The following SOX5 variants were observed in gnomAD, a reference collection of about 807,000 sequenced individuals.
The protein encoded by SOX5 is SRY-box transcription factor 5.
SOX5 carries 9 observed loss-of-function variants against 92.0 expected under a neutral mutation model. The observed-to-expected ratio is 0.10, with a 90% CI of 0.06 to 0.17. The LOEUF (loss-of-function observed/expected upper bound fraction) is 0.17. Among genes scored for constraint, SOX5 ranks in the 10% least tolerant of loss-of-function variants. SOX5 has a pLI of 1.00. For synonymous variants in SOX5, 344 were observed against 336.3 expected (o/e 1.02, Z -0.25); for missense variants, 642 against 944.5 (o/e 0.68, Z 4.20).
intron 1 of SOX5, among the ~76,000 whole-genome samples, chr12:24,372,893 C>T (rs1003771074): frequency 2.7e-5 from 4 of 150,392 alleles, no homozygotes; most frequent in Non-Finnish European, 1.5e-5. Context: ...CAAGGTGGGT[C>T]GCCTGAGCTC....
chr12:23,665,545 G>T lies in SOX5; in HGVS notation c.830C>A (p.Pro277Gln). The change falls in exon 7 of 15, where the codon CCA becomes CAA. Residue 277 changes from proline to glutamine, a missense_variant. This residue lies in a region of SOX5 where 324 missense variants were observed against 461.6 expected (regional missense o/e 0.70). Transcript: ENST00000451604. ...AGGAGGGAATACGGGAATCATTAAT[G>T]GCGGCAGCTGACCTTGAACCTGCTG... The part of the protein sequence containing the change: ...QQIQVQGQLP[P>Q]LMIPVFPPDQ... The T allele has an allele frequency of 6.2e-7, 1 of 1,613,094 alleles. No individual in the cohort carries two copies. The highest frequency in any genetic ancestry group is 8.5e-7 in the Non-Finnish European group (1 of 1,179,392).
At chr12:23,818,349 TGTAA>T (rs1180225859) in intron 3 of SOX5, among the ~76,000 whole-genome samples, 1 of 152,186 alleles carries the variant, frequency 6.6e-6, no homozygotes, top group Non-Finnish European at 1.5e-5. Context: ...GTAACACGAC[TGTAA>T]GTATTTGTGT....
chr12:23,936,131 A>T (rs991563363), intron 1 of SOX5, among the ~76,000 whole-genome samples: 1 of 151,076 alleles, frequency 6.6e-6, no homozygotes, highest in Non-Finnish European at 1.5e-5. Flanking sequence ...CTATCTTTAT[A>T]TCTATCTCTA....
intron 1 of SOX5, among the ~76,000 whole-genome samples, chr12:24,443,790 G>A (rs1214278633): frequency 1.3e-5 from 2 of 152,188 alleles, no homozygotes; most frequent in African/African-American, 4.8e-5. Flanking sequence ...TCCTCTGCAG[G>A]AAAAACTGTT....
intron 3 of SOX5, among the ~76,000 whole-genome samples, chr12:23,789,352 C>T (rs544323226): frequency 1.4e-4 from 21 of 152,110 alleles, no homozygotes; most frequent in Middle Eastern, 3.4e-3. Context: ...AAGGAACATG[C>T]GTTTTTTTCC....
chr12:23,885,770 T>G (rs1000143371), intron 2 of SOX5, among the ~76,000 whole-genome samples: 2 of 152,108 alleles, frequency 1.3e-5, no homozygotes, highest in South Asian at 4.1e-4. Context: ...CACCTTAAGT[T>G]AGGTTTACAT....
At chr12:23,774,832 G>A (rs1383853948) in intron 3 of SOX5, among the ~76,000 whole-genome samples, 2 of 152,104 alleles carry the variant, frequency 1.3e-5, no homozygotes, top group Non-Finnish European at 2.9e-5. Flanking sequence ...GAAGAAAGTA[G>A]TATTAAACAA....
At chr12:24,291,952 G>A (rs2140515449) in intron 2 of SOX5, among the ~76,000 whole-genome samples, 1 of 152,322 alleles carries the variant, frequency 6.6e-6, no homozygotes, top group South Asian at 2.1e-4. Context: ...ATGGGTGGAG[G>A]TGGAAGTAAC....
intron 9 of SOX5, among the ~76,000 whole-genome samples, chr12:23,591,276 T>C (rs1951508961): frequency 6.6e-6 from 1 of 152,098 alleles, no homozygotes. Flanking sequence ...CAAACTATGA[T>C]AACTAGGGTT....
chr12:24,092,429 G>A (rs1046303587), intron 4 of SOX5, among the ~76,000 whole-genome samples: 1 of 152,044 alleles, frequency 6.6e-6, no homozygotes, highest in Non-Finnish European at 1.5e-5. Context: ...TTCAGTCTCA[G>A]TAAGTGATGC....
chr12:24,140,192 A>G (rs1025966954), intron 4 of SOX5, among the ~76,000 whole-genome samples: 2 of 152,266 alleles, frequency 1.3e-5, no homozygotes, highest in Middle Eastern at 3.4e-3. Context: ...ACCGGTTGGC[A>G]TTTCTGATCT....
At chr12:24,181,901 C>T (rs1022179368) in intron 4 of SOX5, among the ~76,000 whole-genome samples, 2 of 152,086 alleles carry the variant, frequency 1.3e-5, no homozygotes, top group Non-Finnish European at 2.9e-5. Context: ...CTAGATTTTT[C>T]AAATAGGTAT....
intron 4 of SOX5, among the ~76,000 whole-genome samples, chr12:24,201,011 G>A (rs1957463688): frequency 6.6e-6 from 1 of 152,166 alleles, no homozygotes; most frequent in Admixed American, 6.5e-5. Context: ...CCTGGTCAGG[G>A]AGGAACTATC....
chr12:23,884,692 A>G (rs1366855045), intron 2 of SOX5, among the ~76,000 whole-genome samples: 3 of 152,216 alleles, frequency 2.0e-5, no homozygotes, highest in Non-Finnish European at 4.4e-5. Flanking sequence ...TGGGTTCTAA[A>G]ACCATGAACC....
intron 4 of SOX5, among the ~76,000 whole-genome samples, chr12:24,115,693 A>G (rs191363442): frequency 6.6e-5 from 10 of 152,360 alleles, no homozygotes; most frequent in Non-Finnish European, 1.5e-4. Flanking sequence ...AAACTTCATC[A>G]TGAAAAACAA....
chr12:24,118,770 T>C (rs1948328684), intron 4 of SOX5, among the ~76,000 whole-genome samples: 1 of 152,108 alleles, frequency 6.6e-6, no homozygotes, highest in South Asian at 2.1e-4. Flanking sequence ...AAGAATAACA[T>C]AACAGGAGGA....
intron 8 of SOX5, among the ~76,000 whole-genome samples, chr12:23,616,965 AAAAAT>A (rs973408711): frequency 1.3e-5 from 2 of 152,016 alleles, no homozygotes; most frequent in African/African-American, 4.8e-5. Context: ...ACAAAAACTT[AAAAAT>A]AAAATAAAAT....
intron 4 of SOX5, among the ~76,000 whole-genome samples, chr12:24,151,088 T>A (rs964692929): frequency 1.3e-5 from 2 of 151,918 alleles, no homozygotes; most frequent in African/African-American, 2.4e-5. Context: ...ACAGAAAAAA[T>A]ACTGTGTAAC....
Position 23,534,488 on chromosome 12 carries a change from C to A in SOX5, c.2023G>T (p.Val675Phe), listed in dbSNP as rs1336093441. The change falls in exon 15 of 15, where the codon GTT becomes TTT. Residue 675 changes from valine to phenylalanine, a missense_variant. By Grantham distance (50) the Val-to-Phe change is conservative. Transcript: ENST00000451604. ...ATGGCGATGGCTCCAGGGTACACAA[C>A]ACCAGCAGTGGCAATGGGGATCTGT... Reference protein sequence around the residue: ...QAQIPIATAGVVYPGAIAMAG... With the variant: ...QAQIPIATAGFVYPGAIAMAG... 2 of 1,613,594 alleles carry A rather than the reference C, an allele frequency of 1.2e-6. No individual in the cohort carries two copies.
Sources: allele counts gnomAD v4.1 joint callset (sites outside exome capture counted in the v4.1 genomes callset), GRCh38; gene constraint gnomAD v4.1.1; regional missense constraint gnomAD v4.1.1; transcripts MANE v1.5; gene names NCBI Gene and HGNC (gene_info 2026-07-23, HGNC 2026-07-21).